The following TMEM131L variants were observed in gnomAD, a reference collection of about 807,000 sequenced individuals.
The protein encoded by TMEM131L is transmembrane protein 131-like.
In TMEM131L, 54 loss-of-function variants were observed where a neutral mutation model predicts 192.2. The ratio of observed to expected loss-of-function variants is 0.28; its 90% CI spans 0.23 to 0.35. The LOEUF is 0.35. Among genes scored for constraint, TMEM131L ranks in the 10% least tolerant of loss-of-function variants. TMEM131L has a pLI of 1.00. For missense variants in TMEM131L, 1,888 were observed against 1,972.9 expected (o/e 0.96, Z 0.82); for synonymous variants, 701 against 704.9 (o/e 0.99, Z 0.09).
At chr4:153,573,930 A>T (rs1264492012) in intron 7 of TMEM131L, among the ~76,000 whole-genome samples, 1 of 152,220 alleles carries the variant, frequency 6.6e-6, no homozygotes, top group Non-Finnish European at 1.5e-5. Context: ...TGAATGAGCA[A>T]ATCAATATAA....
rs991774973 is a variant in TMEM131L, at chr4:153,564,355, C to T, written c.660+5987C>T. On this transcript the variant is annotated intron_variant, in intron 7 of 34. Transcript: ENST00000409959. Reference sequence around the variant, plus strand: ...GTATGCCCCTTCTGCCATTTGAGGACATAGATGGCACATAGCAGGTGCCAT... The same window carrying T: ...GTATGCCCCTTCTGCCATTTGAGGATATAGATGGCACATAGCAGGTGCCAT... 2.8e-5 allele frequency among the ~76,000 whole-genome samples: 4 copies of T among 141,120 alleles called. No individual in the cohort carries two copies. In the East Asian group the frequency reaches 8.5e-4, roughly 30 times the overall value. 92.6% of individuals were successfully genotyped at this position (141,120 alleles called of 152,430 possible).
intron 3 of TMEM131L, among the ~76,000 whole-genome samples, chr4:153,528,721 C>T (rs962128982): frequency 2.0e-5 from 3 of 152,122 alleles, no homozygotes; most frequent in African/African-American, 7.2e-5. Flanking sequence ...ACAGCGTATG[C>T]CTCTGTTTCA....
In TMEM131L at chr4:153,485,402, T is replaced by A. The variant is rs1054733006; in HGVS notation, c.239+11514T>A. Among the ~76,000 whole-genome samples, 9 of 152,230 alleles carry A rather than the reference T, an allele frequency of 5.9e-5. No individual in the cohort carries two copies. In the South Asian group the frequency reaches 1.9e-3, roughly 31 times the overall value. On this transcript the variant is annotated intron_variant, in intron 3 of 34. Coordinates refer to ENST00000409959, the MANE Select transcript of TMEM131L (RefSeq NM_001131007.2). The stretch of plus-strand genomic sequence containing the variant: ...ATGCATGTTGGATTAAAACTGAACT[T>A]CTTCTGTAGGAAAGATGATTTGCCC...
intron 29 of TMEM131L, among the ~76,000 whole-genome samples, chr4:153,625,322 C>T (rs983041093): frequency 6.7e-6 from 1 of 149,836 alleles, no homozygotes; most frequent in East Asian, 2.0e-4. Flanking sequence ...AGGCAGGAGG[C>T]GGAGGTTGCA....
chr4:153,493,820 T>C (rs1732970407), intron 3 of TMEM131L, among the ~76,000 whole-genome samples: 1 of 152,146 alleles, frequency 6.6e-6, no homozygotes, highest in African/African-American at 2.4e-5. Context: ...AGAGTTTGTT[T>C]TGAAGATTAC....
chr4:153,507,119 T>C (rs1423897939), intron 3 of TMEM131L, among the ~76,000 whole-genome samples: 1 of 152,152 alleles, frequency 6.6e-6, no homozygotes, highest in Admixed American at 6.6e-5. Flanking sequence ...GAAGTCAAAC[T>C]GCAGTATAGG....
chr4:153,508,626 G>A (rs1052593455), intron 3 of TMEM131L, among the ~76,000 whole-genome samples: 12 of 150,904 alleles, frequency 8.0e-5, no homozygotes, highest in Non-Finnish European at 1.6e-4. Flanking sequence ...GATGAATGAT[G>A]TATCTCATCG....
chr4:153,467,775 T>A (rs1368756826), intron 2 of TMEM131L, among the ~76,000 whole-genome samples: 7 of 152,240 alleles, frequency 4.6e-5, no homozygotes, highest in African/African-American at 1.7e-4. Flanking sequence ...ATACACCCAC[T>A]TAAGAACTTG....
chr4:153,487,161 G>T (rs1421295764), intron 3 of TMEM131L, among the ~76,000 whole-genome samples: 4 of 152,150 alleles, frequency 2.6e-5, no homozygotes, highest in Non-Finnish European at 4.4e-5. Context: ...CCAGGGTGAG[G>T]CAGCTCAGGG....
In TMEM131L at chr4:153,473,851, T is replaced by G. The variant is rs531384095; in HGVS notation, c.202T>G (p.Ser68Ala). The G allele has an allele frequency of 1.3e-6, 2 of 1,543,736 alleles. No individual in the cohort carries two copies. Among genetic ancestry groups the G allele is most frequent in the African/African-American group, 2.7e-5 (2 of 72,750 alleles). ...GELLLPTQGDSEEGLEEPSQE... is the reference protein window; with the variant it reads ...GELLLPTQGDAEEGLEEPSQE... ...ACATGTTCTTTTTCAATAGGGTGAT[T>G]CTGAAGAGGGTCTGGAGGAGCCTTC... is the stretch of plus-strand genomic sequence containing the variant. Residue 68 changes from serine to alanine, a missense_variant, in exon 3 of 35, where the codon TCT (serine) becomes GCT (alanine). Transcript: ENST00000409959.
chr4:153,491,635 A>T (rs1171897047), intron 3 of TMEM131L, among the ~76,000 whole-genome samples: 2 of 152,192 alleles, frequency 1.3e-5, no homozygotes. Context: ...CCTTATATAC[A>T]CATTTAATAT....
intron 2 of TMEM131L, among the ~76,000 whole-genome samples, chr4:153,470,629 C>A (rs745730627): frequency 6.6e-6 from 1 of 152,194 alleles, no homozygotes; most frequent in East Asian, 1.9e-4. Context: ...GGTGTGGAAA[C>A]CAAACAGGTG....
chr4:153,580,990 A>C, intron 8 of TMEM131L, 87 bp downstream of exon 8: 1 of 928,582 alleles, frequency 1.1e-6, no homozygotes, highest in Non-Finnish European at 1.7e-6. Flanking sequence ...GCTGTGGCTC[A>C]TGCCTGTAAT....
intron 3 of TMEM131L, among the ~76,000 whole-genome samples, chr4:153,477,721 T>C (rs1030563238): frequency 3.3e-5 from 5 of 152,146 alleles, no homozygotes; most frequent in African/African-American, 1.2e-4. Context: ...TTTCAGAAAA[T>C]AGTACTCACT....
intron 3 of TMEM131L, among the ~76,000 whole-genome samples, chr4:153,490,678 G>A (rs1340816537): frequency 2.6e-5 from 4 of 151,998 alleles, no homozygotes; most frequent in Non-Finnish European, 4.4e-5. Flanking sequence ...ATGAGCGGCC[G>A]GGCGTGGGGG....
chr4:153,621,863 C>G lies in TMEM131L; in HGVS notation c.3859+14C>G, dbSNP rs751928149. The G allele has an allele frequency of 1.9e-6, 3 of 1,612,514 alleles. No homozygotes were observed. Among genetic ancestry groups the G allele is most frequent in the Non-Finnish European group, 2.5e-6 (3 of 1,178,992 alleles). On this transcript the variant is annotated intron_variant, in intron 28 of 34. Coordinates refer to ENST00000409959, the MANE Select transcript of TMEM131L (RefSeq NM_001131007.2). ...AGAGAGAGGCAGGTATGTAATGATA[C>G]TGAGCTACAAATGGTGCTTCTGTGG...
chr4:153,578,552 G>A lies in TMEM131L; in HGVS notation c.661-2274G>A, dbSNP rs568470316. Among the ~76,000 whole-genome samples the A allele has an allele frequency of 1.0e-3, 136 of 135,624 alleles. 1 individual carries two copies. Among genetic ancestry groups the A allele is most frequent in the African/African-American group, 3.4e-3 (120 of 35,182 alleles). The allele number at this position is 135,624 out of a possible 152,430, so 89.0% of individuals were successfully genotyped here. A position where few individuals can be genotyped will look rare whatever the true frequency, so the allele number is the denominator to read the frequency against. The stretch of plus-strand genomic sequence containing the variant: ...TTTTTTTTTTTTTTGACGGAGTCTC[G>A]TTCTGTCGCCCAGGCTGGAGTGCAG... On this transcript the variant is annotated intron_variant, in intron 7 of 34. Coordinates refer to ENST00000409959, the MANE Select transcript of TMEM131L (RefSeq NM_001131007.2).
At chr4:153,614,305 A>G (rs1732825880) in intron 26 of TMEM131L, among the ~76,000 whole-genome samples, 1 of 152,258 alleles carries the variant, frequency 6.6e-6, no homozygotes. Flanking sequence ...CTTGATGGGA[A>G]GCACAAATGG....
Position 153,621,783 on chromosome 4 carries a change from A to G in TMEM131L, c.3793A>G (p.Thr1265Ala), listed in dbSNP as rs758826907. 1.2e-6 allele frequency: 2 copies of G among 1,614,216 alleles called. No homozygotes were observed. Among genetic ancestry groups the G allele is most frequent in the South Asian group, 2.2e-5 (2 of 91,090 alleles). ...NVRSWCIQES[T>A]REVCKADAEI... ...AAGAAGCTGGTGTATACAGGAAAGCACTAGGGAGGTTTGTAAAGCAGATGC... is the reference window on the plus strand; with the variant it reads ...AAGAAGCTGGTGTATACAGGAAAGCGCTAGGGAGGTTTGTAAAGCAGATGC... The change falls in exon 28 of 35, where the codon ACT becomes GCT. Residue 1265 changes from threonine (T) to alanine (A), a missense_variant. Transcript: ENST00000409959.
Sources: gnomAD v4.1 joint callset for allele counts (sites outside exome capture counted in the v4.1 genomes callset) on GRCh38, gnomAD v4.1.1 for gene constraint, MANE v1.5 for transcripts, NCBI Gene and HGNC (gene_info 2026-07-23, HGNC 2026-07-21) for gene names.